Variants in MRNIP observed in about 807,000 individuals in gnomAD.
MRNIP encodes the protein MRN complex-interacting protein.
A neutral mutation model predicts 29.8 loss-of-function variants in MRNIP; 30 were observed. The observed-to-expected ratio is 1.01, with a 90% CI of 0.75 to 1.36. The LOEUF is 1.36. Ranked by LOEUF, MRNIP falls within the 40% of genes most tolerant of loss-of-function variation. MRNIP has a pLI of 0.00. For missense variants in MRNIP, 459 were observed against 423.5 expected (o/e 1.08, Z -0.74); for synonymous variants, 201 against 164.1 (o/e 1.23, Z -1.72).
At chr5:179,849,159 TGA>T (rs1356994184) in intron 2 of MRNIP, among the ~76,000 whole-genome samples, 1 of 147,236 alleles carries the variant, frequency 6.8e-6, no homozygotes, top group East Asian at 2.0e-4. Context: ...AGACGGAATT[TGA>T]GAGTACGGGT....
At chr5:179,851,218 C>A (rs1244342694) in intron 2 of MRNIP, 3 of 455,464 alleles carry the variant, frequency 6.6e-6, no homozygotes, top group Admixed American at 4.7e-5. Flanking sequence ...ACAAGCCATG[C>A]TCACCATGTG....
At position 179,858,753 on chromosome 5, in the gene MRNIP, C is replaced by T. The variant is rs1195007219; in HGVS notation, c.44G>A (p.Cys15Tyr). 4 of 1,533,082 alleles carry T rather than the reference C, an allele frequency of 2.6e-6. No homozygotes were observed. Among genetic ancestry groups the T allele is most frequent in the Non-Finnish European group, 3.5e-6 (4 of 1,139,546 alleles). The allele number at this position is 1,533,082 out of a possible 1,614,324, so 95.0% of individuals were successfully genotyped here. A position where few individuals can be genotyped will look rare whatever the true frequency, so the allele number is the denominator to read the frequency against. The change falls in exon 1 of 7, where the codon TGC becomes TAC. Residue 15 changes from cysteine (C) to tyrosine (Y), a missense_variant. By Grantham distance (194) the Cys-to-Tyr change is radical. Coordinates refer to ENST00000292586, the MANE Select transcript of MRNIP (RefSeq NM_016175.4). ...GACCTGGTGCGCCTGGAAGAGGCGGCAGCTGCAGCAGCGTAGCACCCGAGA... is the reference window on the plus strand; with the variant it reads ...GACCTGGTGCGCCTGGAAGAGGCGGTAGCTGCAGCAGCGTAGCACCCGAGA... ...QRSRVLRCCS[C>Y]RLFQAHQVKK...
intron 2 of MRNIP, chr5:179,851,379 G>C (rs1222528010): frequency 2.2e-6 from 1 of 456,068 alleles, no homozygotes; most frequent in Non-Finnish European, 4.4e-6. Flanking sequence ...CAGTTGGCTT[G>C]GAATGAGATT....
At chr5:179,858,633 G>A (rs1169427758) in intron 1 of MRNIP, 98 bp downstream of exon 1, 3 of 761,558 alleles carry the variant, frequency 3.9e-6, no homozygotes, top group Non-Finnish European at 6.1e-6. Flanking sequence ...CGGGCCCGGT[G>A]CATCCCGGAG....
chr5:179,858,597 C>G, intron 1 of MRNIP, 134 bp downstream of exon 1: 2 of 595,154 alleles, frequency 3.4e-6, no homozygotes, highest in Non-Finnish European at 5.8e-6. Flanking sequence ...CAATGAGACC[C>G]GCCCTCAGCG....
At position 179,853,428 on chromosome 5, in the gene MRNIP, T is replaced by C; in HGVS notation, c.76A>G (p.Ser26Gly). ...RLFQAHQVKKSVKWTCKACGE... is the reference protein window; with the variant it reads ...RLFQAHQVKKGVKWTCKACGE... Reference sequence around the variant, plus strand: ...CAAGCTTTGCATGTCCACTTGACACTCTTTTTTACCTGCAATGAAATTTCA... The same window carrying C: ...CAAGCTTTGCATGTCCACTTGACACCCTTTTTTACCTGCAATGAAATTTCA... The change falls in exon 2 of 7, where the codon AGT (serine) becomes GGT (glycine). Residue 26 changes from serine to glycine, a missense_variant. By Grantham distance (56) the Ser-to-Gly change is moderately conservative. Transcript: ENST00000292586. 2 of 1,611,042 alleles carry C rather than the reference T, an allele frequency of 1.2e-6. No homozygotes were observed. The highest frequency in any genetic ancestry group is 1.3e-5 in the African/African-American group (1 of 74,974).
chr5:179,838,191 T>G, intron 6 of MRNIP: 1 of 439,750 alleles, frequency 2.3e-6, no homozygotes, highest in Non-Finnish European at 4.1e-6. Context: ...ACAAAAGAAT[T>G]TTGAGCAGAA....
chr5:179,851,406 G>A (rs1226682121), intron 2 of MRNIP: 1 of 455,974 alleles, frequency 2.2e-6, no homozygotes, highest in Non-Finnish European at 4.4e-6. Flanking sequence ...ACTTGGAGCA[G>A]AGAATCTGAC....
chr5:179,842,901 T>TG (rs1561616446), intron 4 of MRNIP, among the ~76,000 whole-genome samples: 2 of 150,880 alleles, frequency 1.3e-5, no homozygotes. Flanking sequence ...GGCGTGGTGG[T>TG]GCGTGCCTGT....
At chr5:179,838,158 T>C (rs766666502) in intron 6 of MRNIP, 2 of 524,766 alleles carry the variant, frequency 3.8e-6, no homozygotes, top group Non-Finnish European at 6.8e-6. Context: ...CCTGGGGACC[T>C]TAGAATCAGG....
chr5:179,841,143 G>A (rs6861674), intron 5 of MRNIP, 184 bp from the exon 6 acceptor site: 6,326 of 576,696 alleles, frequency 0.011, 61 homozygotes, highest in African/African-American at 0.03. Flanking sequence ...GCTTCTAGGT[G>A]CTAGAAAGTT....
At chr5:179,857,010 C>T (rs543890017) in intron 1 of MRNIP, among the ~76,000 whole-genome samples, 139 of 152,192 alleles carry the variant, frequency 9.1e-4, no homozygotes, top group African/African-American at 3.3e-3. Context: ...CAGCTGAGCC[C>T]GGGAGATGCA....
intron 1 of MRNIP, among the ~76,000 whole-genome samples, chr5:179,856,752 CG>C (rs1759598301): frequency 1.3e-5 from 2 of 152,158 alleles, no homozygotes; most frequent in African/African-American, 4.8e-5. Context: ...AGATTATGGG[CG>C]TGAGCCACCG....
intron 6 of MRNIP, chr5:179,838,172 C>T: frequency 2.1e-6 from 1 of 487,520 alleles, no homozygotes; most frequent in South Asian, 2.8e-5. Context: ...AATCAGGTTA[C>T]CGGTGCCTAC....
chr5:179,837,978 T>C, intron 6 of MRNIP, 93 bp from the exon 7 acceptor site: 1 of 1,208,736 alleles, frequency 8.3e-7, no homozygotes, highest in Non-Finnish European at 1.1e-6. Context: ...GCTGGGCCTC[T>C]GGTTCTGACA....
At chr5:179,854,107 C>G (rs1229502672) in intron 1 of MRNIP, among the ~76,000 whole-genome samples, 1 of 151,276 alleles carries the variant, frequency 6.6e-6, no homozygotes, top group Non-Finnish European at 1.5e-5. Flanking sequence ...TGCAAGCTCC[C>G]CCTCCCGGGT....
intron 2 of MRNIP, among the ~76,000 whole-genome samples, chr5:179,851,805 C>T (rs1392883002): frequency 1.3e-5 from 2 of 151,860 alleles, no homozygotes; most frequent in African/African-American, 4.8e-5. Flanking sequence ...GGTGAAACCC[C>T]ATCTCTACTA....
intron 6 of MRNIP, chr5:179,840,101 CGCCCA>C (rs1561614377): frequency 1.3e-5 from 2 of 152,236 alleles, no homozygotes; most frequent in African/African-American, 4.8e-5. Context: ...TGCACAACCA[CGCCCA>C]GCTAATTATT....
At chr5:179,840,420 AAAG>A (rs1330021495) in intron 6 of MRNIP, 1 of 179,968 alleles carries the variant, frequency 5.6e-6, no homozygotes, top group Non-Finnish European at 1.2e-5. Flanking sequence ...AGAAAACAAA[AAAG>A]AACAAGACAA....
Sources: gnomAD v4.1 joint callset for allele counts (sites outside exome capture counted in the v4.1 genomes callset) on GRCh38, gnomAD v4.1.1 for gene constraint, MANE v1.5 for transcripts, NCBI Gene and HGNC (gene_info 2026-07-23, HGNC 2026-07-21) for gene names.